Variants in RBL1 observed in about 807,000 individuals in gnomAD.
RBL1 encodes retinoblastoma-like protein 1.
RBL1 carries 82 observed loss-of-function variants against 123.0 expected under a neutral mutation model. That is an observed-to-expected ratio of 0.67 (90% CI 0.56 to 0.80). The LOEUF (loss-of-function observed/expected upper bound fraction) is 0.80, where lower values mean the gene tolerates loss of function less well. Among genes scored for constraint, RBL1 ranks in the 30% least tolerant of loss-of-function variants. RBL1 has a pLI of 0.00. For synonymous variants in RBL1, 405 were observed against 441.3 expected, an observed-to-expected ratio of 0.92 and a Z score of 1.03; for missense variants, 1,171 against 1,299.6, an observed-to-expected ratio of 0.90 and a Z score of 1.52.
At chr20:37,006,838 CAA>C (rs199689934) in intron 20 of RBL1, among the ~76,000 whole-genome samples, 14 of 71,658 alleles carry the variant, frequency 2.0e-4, no homozygotes, top group Non-Finnish European at 3.1e-4. Context: ...GAGACTGTCT[CAA>C]AAAAAAAAAA....
chr20:37,032,716 A>T lies in RBL1; in HGVS notation c.2331T>A (p.Thr777=). The part of the protein sequence containing the change: ...NLTKAQEVHS[T]GINRPKRTGS... ...CAGTTCTCTTTGGCCTGTTTATTCC[A>T]GTTGAATGTACCTCTTGTGCTTTAG... is the stretch of plus-strand genomic sequence containing the variant. The change falls in exon 16 of 22, where the codon ACT becomes ACA. Residue 777 remains threonine (T), a synonymous_variant. Coordinates refer to ENST00000373664, the MANE Select transcript of RBL1 (RefSeq NM_002895.5). 6.2e-7 allele frequency: 1 copy of T among 1,614,090 alleles called. No individual in the cohort carries two copies. Among genetic ancestry groups the T allele is most frequent in the Non-Finnish European group, 8.5e-7 (1 of 1,179,990 alleles).
chr20:37,019,140 C>G (rs544522464), intron 18 of RBL1, among the ~76,000 whole-genome samples: 1 of 151,858 alleles, frequency 6.6e-6, no homozygotes, highest in Non-Finnish European at 1.5e-5. Flanking sequence ...ACCTCCTGGG[C>G]TCAGGCAATC....
intron 1 of RBL1, among the ~76,000 whole-genome samples, chr20:37,091,205 A>C (rs776456505): frequency 2.0e-5 from 3 of 152,098 alleles, no homozygotes; most frequent in Non-Finnish European, 2.9e-5. Context: ...AAAAAATACA[A>C]AAATTAGCCA....
chr20:37,093,205 T>G (rs534608561), intron 1 of RBL1, among the ~76,000 whole-genome samples: 11 of 152,046 alleles, frequency 7.2e-5, no homozygotes, highest in African/African-American at 2.7e-4. Flanking sequence ...GGGGTAGGGA[T>G]TGGAGAAAGA....
At chr20:37,004,420 T>C (rs2146199777) in intron 20 of RBL1, among the ~76,000 whole-genome samples, 1 of 150,396 alleles carries the variant, frequency 6.6e-6, no homozygotes, top group South Asian at 2.1e-4. Context: ...ATAACTAGTA[T>C]TAAGAATTCT....
intron 20 of RBL1, among the ~76,000 whole-genome samples, chr20:37,006,715 C>T (rs2064078759): frequency 6.7e-6 from 1 of 148,938 alleles, no homozygotes; most frequent in Admixed American, 6.7e-5. Flanking sequence ...TGACACACTC[C>T]TGTAATCCTA....
chr20:37,011,682 G>T (rs1275339207), intron 19 of RBL1, among the ~76,000 whole-genome samples: 1 of 151,984 alleles, frequency 6.6e-6, no homozygotes, highest in Non-Finnish European at 1.5e-5. Flanking sequence ...TGATCTGCCC[G>T]CCTCGGTCTC....
intron 15 of RBL1, among the ~76,000 whole-genome samples, chr20:37,034,160 C>A (rs2064565025): frequency 6.6e-6 from 1 of 151,980 alleles, no homozygotes; most frequent in African/African-American, 2.4e-5. Flanking sequence ...GGGTCTCAAA[C>A]TCCTGGGCTA....
intron 2 of RBL1, among the ~76,000 whole-genome samples, chr20:37,082,357 G>A (rs567635121): frequency 2.0e-5 from 3 of 152,270 alleles, no homozygotes; most frequent in South Asian, 2.1e-4. Flanking sequence ...AAGAAAGTTC[G>A]GGAAATGGTG....
chr20:37,007,324 C>A, intron 20 of RBL1, 87 bp downstream of exon 20: 1 of 1,412,272 alleles, frequency 7.1e-7, no homozygotes, highest in Non-Finnish European at 9.8e-7. Context: ...AGTAATTTTA[C>A]TTGGACATAT....
chr20:37,077,924 A>C (rs1163129387), intron 2 of RBL1, among the ~76,000 whole-genome samples: 1 of 152,176 alleles, frequency 6.6e-6, no homozygotes, highest in Non-Finnish European at 1.5e-5. Context: ...CTTTCGGAGC[A>C]ATTTTAAACA....
At chr20:37,057,919 A>C (rs2065033962) in intron 9 of RBL1, among the ~76,000 whole-genome samples, 1 of 152,046 alleles carries the variant, frequency 6.6e-6, no homozygotes, top group African/African-American at 2.4e-5. Context: ...TGAGGTCAGG[A>C]GTTCGAGACC....
rs189153314 is a variant in RBL1, at chr20:37,020,939, T to G, written c.2560-209A>C. The stretch of plus-strand genomic sequence containing the variant: ...GCCTGTGGGGACTCACTTAATAGTT[T>G]CATTAATCAAAAAGCAGTGAAACTG... On this transcript the variant is annotated intron_variant, in intron 17 of 21. Transcript: ENST00000373664. 1.5e-3 allele frequency among the ~76,000 whole-genome samples: 231 copies of G among 152,270 alleles called. 1 individual carries two copies. The highest frequency in any genetic ancestry group is 0.013 in the Admixed American group (206 of 15,282).
chr20:37,061,235 C>A lies in RBL1; in HGVS notation c.1118G>T (p.Gly373Val). The A allele has an allele frequency of 6.2e-7, 1 of 1,613,956 alleles. No homozygotes were observed. Among genetic ancestry groups the A allele is most frequent in the Non-Finnish European group, 8.5e-7 (1 of 1,179,968 alleles). Residue 373 changes from glycine (G) to valine (V), a missense_variant, in exon 9 of 22, where the codon GGA becomes GTA. Transcript: ENST00000373664. ...RSFAPSTPLTGRRYLREKEAV... is the reference protein window; with the variant it reads ...RSFAPSTPLTVRRYLREKEAV... ...TTCTTTTTCTCGTAAATATCTCCGT[C>A]CGGTCAGTGGGGTAGAAGGTGCAAA...
chr20:37,090,790 A>C (rs1232461120), intron 1 of RBL1, among the ~76,000 whole-genome samples: 1 of 152,232 alleles, frequency 6.6e-6, no homozygotes, highest in Non-Finnish European at 1.5e-5. Flanking sequence ...ACTGTTGGTA[A>C]ATGTAACACA....
rs149409083 is a variant in RBL1 at position 37,003,809 on chromosome 20, G to A, written c.2929C>T (p.Arg977Cys). 16 of 1,613,858 alleles carry A rather than the reference G, an allele frequency of 9.9e-6. No homozygotes were observed. Among genetic ancestry groups the A allele is most frequent in the East Asian group, 4.5e-5 (2 of 44,894 alleles). ...PHIKQQPGSP[R>C]RISQQHSIYI... ...ATGGAGTGCTGCTGGGAAATGCGGC[G>A]TGGTGAGCCTGGCTGTTGTTTAATA... Residue 977 changes from arginine (R) to cysteine (C), a missense_variant, in exon 21 of 22, where the codon CGC becomes TGC. Arg to Cys is a radical substitution (Grantham distance 180, BLOSUM62 -3). Transcript: ENST00000373664.
At chr20:37,008,694 A>G (rs1161664751) in intron 19 of RBL1, among the ~76,000 whole-genome samples, 1 of 152,212 alleles carries the variant, frequency 6.6e-6, no homozygotes, top group Non-Finnish European at 1.5e-5. Context: ...ACAAACATTG[A>G]GAACATGGGT....
intron 2 of RBL1, among the ~76,000 whole-genome samples, chr20:37,077,790 A>G: frequency 6.7e-6 from 1 of 148,438 alleles, no homozygotes; most frequent in Admixed American, 6.6e-5. Flanking sequence ...ATTTTCTGAA[A>G]AAAAAAAAAA....
intron 1 of RBL1, among the ~76,000 whole-genome samples, chr20:37,091,492 AC>A (rs1445462074): frequency 1.3e-5 from 2 of 151,736 alleles, no homozygotes; most frequent in Non-Finnish European, 2.9e-5. Context: ...ACATAGTGAG[AC>A]CCCCGTCTGT....
Sources: gnomAD v4.1 joint callset for allele counts (sites outside exome capture counted in the v4.1 genomes callset) on GRCh38, gnomAD v4.1.1 for gene constraint, MANE v1.5 for transcripts, NCBI Gene and HGNC (gene_info 2026-07-23, HGNC 2026-07-21) for gene names.